ZBED1: variants seen among roughly 807,000 people sequenced by gnomAD.
ZBED1 encodes the protein E3 SUMO-protein ligase ZBED1.
ZBED1 carries 19 observed loss-of-function variants against 49.7 expected under a neutral mutation model. The observed-to-expected ratio is 0.38, with a 90% CI of 0.27 to 0.56. The LOEUF (loss-of-function observed/expected upper bound fraction) is 0.56, where lower values mean the gene tolerates loss of function less well. Among genes scored for constraint, ZBED1 ranks in the 20% least tolerant of loss-of-function variants. ZBED1 has a pLI of 0.70. For synonymous variants in ZBED1, 439 were observed against 440.3 expected (o/e 1.00, Z 0.04); for missense variants, 806 against 972.6 (o/e 0.83, Z 2.28).
In ZBED1 at chrX:2,489,839, G is replaced by C. The variant is rs368898926; in HGVS notation, c.881C>G (p.Thr294Ser). The change falls in exon 2 of 2, where the codon ACC becomes AGC. Residue 294 changes from threonine (T) to serine (S), a missense_variant. This residue lies in a region of ZBED1 where 749 missense variants were observed against 861.3 expected (regional missense o/e 0.87). Transcript: ENST00000652001. Reference sequence around the variant, plus strand: ...GGCCTGCTGGATGCCGGCATTGAAGGTGTGGCCCAGGCAGGGCATGTGCAC... The same window carrying C: ...GGCCTGCTGGATGCCGGCATTGAAGCTGTGGCCCAGGCAGGGCATGTGCAC... ...VAVHMPCLGHTFNAGIQQAFQ... is the reference protein window; with the variant it reads ...VAVHMPCLGHSFNAGIQQAFQ... 2.5e-6 allele frequency: 4 copies of C among 1,613,598 alleles called. No homozygotes were observed. In the African/African-American group the frequency reaches 5.3e-5, roughly 22 times the overall value.
rs772793518 is a variant in ZBED1 at position 2,490,129 on chromosome X, G to A, written c.591C>T (p.Ser197=). 17 of 1,613,826 alleles carry A rather than the reference G, an allele frequency of 1.1e-5. No individual in the cohort carries two copies. The highest frequency in any genetic ancestry group is 1.4e-5 in the Non-Finnish European group (17 of 1,179,884). ...ELAEATWCGI[S]TDMWRSENQN... ...GATTCTCACTCCTCCACATGTCGGTGGAGATGCCACACCAGGTGGCCTCGG... is the reference window on the plus strand; with the variant it reads ...GATTCTCACTCCTCCACATGTCGGTAGAGATGCCACACCAGGTGGCCTCGG... Residue 197 remains serine (S), a synonymous_variant, in exon 2 of 2, where the codon TCC becomes TCT. Coordinates refer to ENST00000652001, the MANE Select transcript of ZBED1 (RefSeq NM_001171136.2).
chrX:2,490,887 G>T, intron 1 of ZBED1, 115 bp from the exon 2 acceptor site: 1 of 905,816 alleles, frequency 1.1e-6, no homozygotes. Flanking sequence ...AAGGGCACTG[G>T]GGCCGGACGG....
In ZBED1 at chrX:2,488,854, G is replaced by A. The variant is rs149611128; in HGVS notation, c.1866C>T (p.Phe622=). The A allele has an allele frequency of 4.8e-4, 776 of 1,613,634 alleles. 4 individuals carry two copies. Among genetic ancestry groups the A allele is most frequent in the South Asian group, 4.6e-3 (420 of 91,032 alleles). Residue 622 remains phenylalanine (F), a synonymous_variant, in exon 2 of 2, where the codon TTC becomes TTT. Transcript: ENST00000652001. ...CGCTGACCACGTTGGCGGCGGATCC[G>A]AAGAGACGCTCAGGGGCGACGCGCG... ...TATRVAPERL[F]GSAANVVSAK...
intron 1 of ZBED1, among the ~76,000 whole-genome samples, chrX:2,493,471 CATT>C (rs762176172): frequency 4.0e-5 from 6 of 150,616 alleles, no homozygotes; most frequent in Non-Finnish European, 5.9e-5. Flanking sequence ...TTATTATTAT[CATT>C]ATTATTATTA....
At position 2,488,522 on chromosome X, in the gene ZBED1, A is replaced by C; in HGVS notation, c.*113T>G. On this transcript the variant is annotated 3_prime_UTR_variant, in exon 2 of 2. Coordinates refer to ENST00000652001, the MANE Select transcript of ZBED1 (RefSeq NM_001171136.2). ...TTCCTTTTTCCACCTTCTAGGTGTC[A>C]AAGACAGTGGATGGTCTCTGAGGTT... The C allele has an allele frequency of 7.4e-7, 1 of 1,351,150 alleles. No homozygotes were observed. 83.7% of individuals were successfully genotyped at this position (1,351,150 alleles called of 1,614,324 possible).
Position 2,500,917 on chromosome X carries a change from T to C in ZBED1, c.-154A>G. On this transcript the variant is annotated 5_prime_UTR_variant, in exon 1 of 2. Coordinates refer to ENST00000652001, the MANE Select transcript of ZBED1 (RefSeq NM_001171136.2). ...GCAGGGCCGCCCGCGCCGCAGACAA[T>C]GGCGACATGGCTGCCCCGGCCGCGC... 1 of 1,091,292 alleles carries C rather than the reference T, an allele frequency of 9.2e-7. No homozygotes were observed. Among genetic ancestry groups the C allele is most frequent in the Non-Finnish European group, 1.1e-6 (1 of 898,712 alleles). The allele number at this position is 1,091,292 out of a possible 1,614,324, so 67.6% of individuals were successfully genotyped here. A position where few individuals can be genotyped will look rare whatever the true frequency, so the allele number is the denominator to read the frequency against.
Position 2,489,613 on chromosome X carries a change from G to A in ZBED1, c.1107C>T (p.Phe369=), listed in dbSNP as rs1335604257. The A allele has an allele frequency of 3.7e-6, 6 of 1,612,552 alleles. No homozygotes were observed. Among genetic ancestry groups the A allele is most frequent in the African/African-American group, 2.7e-5 (2 of 74,876 alleles). ...AMLQRLKEQQ[F]VIAGVLVEDS... is the part of the protein sequence containing the mutation. ...CCTCCACCAAGACCCCGGCGATGACGAACTGCTGCTCCTTGAGGCGCTGCA... is the reference window on the plus strand; with the variant it reads ...CCTCCACCAAGACCCCGGCGATGACAAACTGCTGCTCCTTGAGGCGCTGCA... The change falls in exon 2 of 2, where the codon TTC becomes TTT. Residue 369 remains phenylalanine, a synonymous_variant. Coordinates refer to ENST00000652001, the MANE Select transcript of ZBED1 (RefSeq NM_001171136.2).
chrX:2,492,826 A>C, intron 1 of ZBED1, among the ~76,000 whole-genome samples: 1 of 152,246 alleles, frequency 6.6e-6, no homozygotes, highest in Admixed American at 6.5e-5. Flanking sequence ...GGCCTCCAGA[A>C]CTGGGAGAGA....
chrX:2,500,488 G>C (rs1025736532), intron 1 of ZBED1: 1 of 156,882 alleles, frequency 6.4e-6, no homozygotes, highest in African/African-American at 2.4e-5. Flanking sequence ...AGGGTGCGCG[G>C]GGGGGCGGCT....
chrX:2,492,938 G>GC (rs1296797424), intron 1 of ZBED1, among the ~76,000 whole-genome samples: 1 of 152,232 alleles, frequency 6.6e-6, no homozygotes, highest in African/African-American at 2.4e-5. Flanking sequence ...TCTTAGAAAG[G>GC]CCCCCCGTCT....
At chrX:2,497,912 AT>A (rs2045321964) in intron 1 of ZBED1, among the ~76,000 whole-genome samples, 1 of 152,208 alleles carries the variant, frequency 6.6e-6, no homozygotes, top group Admixed American at 6.5e-5. Flanking sequence ...CACTGATTAA[AT>A]CATCTATTTT....
chrX:2,490,922 T>C (rs1487765807), intron 1 of ZBED1, 150 bp from the exon 2 acceptor site: 7 of 664,534 alleles, frequency 1.1e-5, no homozygotes, highest in South Asian at 9.4e-5. Context: ...CGGGTCACTT[T>C]TGCAGAGTGG....
rs868024617 is a variant in ZBED1 at position 2,488,648 on chromosome X, C to T, written c.2072G>A (p.Ser691Asn). 1 of 1,604,840 alleles carries T rather than the reference C, an allele frequency of 6.2e-7. No homozygotes were observed. Among genetic ancestry groups the T allele is most frequent in the Middle Eastern group, 1.8e-4 (1 of 5,504 alleles). Residue 691 changes from serine (S) to asparagine (N), a missense_variant, in exon 2 of 2, where the codon AGC becomes AAC. Transcript: ENST00000652001. Reference sequence around the variant, plus strand: ...CACGCTTCCTCGCTACAGGAAGCTGCTGTCCCTAATGCCAAAGAAACCGCC... The same window carrying T: ...CACGCTTCCTCGCTACAGGAAGCTGTTGTCCCTAATGCCAAAGAAACCGCC... ...VSGGFFGIRD[S>N]SFL
intron 1 of ZBED1, among the ~76,000 whole-genome samples, chrX:2,496,474 T>C (rs1407534420): frequency 2.6e-5 from 4 of 152,074 alleles, no homozygotes; most frequent in African/African-American, 4.8e-5. Flanking sequence ...GCTGGGATTA[T>C]AGGCATGAGC....
chrX:2,488,691 A>G lies in ZBED1; in HGVS notation c.2029T>C (p.Leu677=), dbSNP rs1243094247. Residue 677 remains leucine, a synonymous_variant, in exon 2 of 2, where the codon TTG becomes CTG. Coordinates refer to ENST00000652001, the MANE Select transcript of ZBED1 (RefSeq NM_001171136.2). The part of the protein sequence containing the change: ...WGLDQEQVFS[L]GDGVSGGFFG... ...AAACCGCCGCTGACGCCATCCCCCA[A>G]GGAGAACACCTGCTCCTGGTCCAGG... 6 of 1,613,474 alleles carry G rather than the reference A, an allele frequency of 3.7e-6. No homozygotes were observed. The African/African-American group carries it at 6.7e-5, about 18-fold the overall frequency.
chrX:2,497,399 AAAG>A (rs781379392), intron 1 of ZBED1, among the ~76,000 whole-genome samples: 64 of 152,330 alleles, frequency 4.2e-4, no homozygotes, highest in East Asian at 1.3e-3. Flanking sequence ...GTCTCAAGAA[AAAG>A]AAGAAGAAGT....
Position 2,489,123 on chromosome X carries a change from T to C in ZBED1, c.1597A>G (p.Met533Val), listed in dbSNP as rs1569344534. 3 of 1,613,676 alleles carry C rather than the reference T, an allele frequency of 1.9e-6. No individual in the cohort carries two copies. Among genetic ancestry groups the C allele is most frequent in the Admixed American group, 1.7e-5 (1 of 60,014 alleles). ...GCGGGCGGCGGCGTGGATGTCCGCA[T>C]GAGCTTCTTGACGGGAGGCTCCTCG... ...VPEEPPVKKL[M>V]RTSTPPPASV... Residue 533 changes from methionine (M) to valine (V), a missense_variant, in exon 2 of 2, where the codon ATG (methionine) becomes GTG (valine). Met to Val is a conservative substitution (Grantham distance 21, BLOSUM62 1). This residue lies in a region of ZBED1 where 749 missense variants were observed against 861.3 expected (regional missense o/e 0.87). Coordinates refer to ENST00000652001, the MANE Select transcript of ZBED1 (RefSeq NM_001171136.2).
Position 2,489,136 on chromosome X carries a change from G to C in ZBED1, c.1584C>G (p.Pro528=). The C allele has an allele frequency of 6.2e-7, 1 of 1,613,594 alleles. No individual in the cohort carries two copies. Among genetic ancestry groups the C allele is most frequent in the Non-Finnish European group, 8.5e-7 (1 of 1,179,838 alleles). The change falls in exon 2 of 2, where the codon CCC becomes CCG. Residue 528 remains proline, a synonymous_variant. Transcript: ENST00000652001. ...DKIFPVPEEP[P]VKKLMRTSTP... is the part of the protein sequence containing the mutation. ...TGGATGTCCGCATGAGCTTCTTGAC[G>C]GGAGGCTCCTCGGGCACCGGGAAGA...
At chrX:2,498,438 A>T (rs2045332377) in intron 1 of ZBED1, among the ~76,000 whole-genome samples, 2 of 152,284 alleles carry the variant, frequency 1.3e-5, no homozygotes, top group Admixed American at 1.3e-4. Context: ...CTCCACTGGT[A>T]TCGAAAATTA....
Sources: gnomAD v4.1 joint callset for allele counts (sites outside exome capture counted in the v4.1 genomes callset) on GRCh38, gnomAD v4.1.1 for gene constraint, gnomAD v4.1.1 regional missense constraint, MANE v1.5 for transcripts, NCBI Gene and HGNC (gene_info 2026-07-23, HGNC 2026-07-21) for gene names.